SERPINB12: variants seen among roughly 807,000 people sequenced by gnomAD.
SERPINB12 encodes serpin B12.
In SERPINB12, 57 loss-of-function variants were observed where a neutral mutation model predicts 41.1. The ratio of observed to expected loss-of-function variants is 1.39; its 90% CI spans 1.12 to 1.73. The LOEUF (loss-of-function observed/expected upper bound fraction) is 1.73, where lower values mean the gene tolerates loss of function less well. Among genes scored for constraint, SERPINB12 ranks in the 40% most tolerant of loss-of-function variants. The probability of loss-of-function intolerance (pLI) is 0.00; values close to 1 mark genes in which losing one functional copy is unlikely to be tolerated. For synonymous variants in SERPINB12, 180 were observed against 181.3 expected (o/e 0.99, Z 0.06); for missense variants, 536 against 501.9 (o/e 1.07, Z -0.65).
the SERPINB12 span, among the ~76,000 whole-genome samples, chr18:63,532,586 A>G: frequency 2.4e-4 from 37 of 152,180 alleles, no homozygotes; most frequent in African/African-American, 8.7e-4. Flanking sequence ...AGTTTTGGAC[A>G]GATTTTACCT....
the SERPINB12 span, among the ~76,000 whole-genome samples, chr18:63,523,484 G>A: frequency 6.6e-6 from 1 of 152,202 alleles, no homozygotes; most frequent in Admixed American, 6.5e-5. Flanking sequence ...AAAGGTGCTT[G>A]AATTCAGTCA....
At chr18:63,527,849 T>A in the SERPINB12 span, among the ~76,000 whole-genome samples, 2 of 152,208 alleles carry the variant, frequency 1.3e-5, no homozygotes, top group Non-Finnish European at 2.9e-5. Context: ...CCCACTCAAA[T>A]CTCATCTTGA....
intron 2 of SERPINB12, 63 bp from the exon 3 acceptor site, chr18:63,558,289 T>A: frequency 6.6e-7 from 1 of 1,505,550 alleles, no homozygotes; most frequent in African/African-American, 1.4e-5. Flanking sequence ...GAAATGTTTC[T>A]GAAGTTATTC....
intron 1 of SERPINB12, among the ~76,000 whole-genome samples, chr18:63,547,757 A>G (rs1910422143): frequency 6.6e-6 from 1 of 152,062 alleles, no homozygotes; most frequent in Non-Finnish European, 1.5e-5. Flanking sequence ...CAGTAAGTGA[A>G]CTTTTTCTTA....
intron 6 of SERPINB12, among the ~76,000 whole-genome samples, chr18:63,564,746 C>T (rs1911035200): frequency 6.6e-6 from 1 of 152,150 alleles, no homozygotes; most frequent in South Asian, 2.1e-4. Flanking sequence ...GTCATCCAGG[C>T]CAGCTGGCAT....
the SERPINB12 span, among the ~76,000 whole-genome samples, chr18:63,525,985 T>C: frequency 6.6e-6 from 1 of 152,162 alleles, no homozygotes; most frequent in Non-Finnish European, 1.5e-5. Context: ...CTTTAAAACA[T>C]CTAGGGGAGA....
chr18:63,557,418 C>T (rs974963746), intron 2 of SERPINB12, among the ~76,000 whole-genome samples: 3 of 151,992 alleles, frequency 2.0e-5, no homozygotes, highest in South Asian at 2.1e-4. Flanking sequence ...AGAACAAATC[C>T]CCAAATAAAC....
chr18:63,528,392 C>CAATAAGTAAATA, the SERPINB12 span, among the ~76,000 whole-genome samples: 2 of 144,882 alleles, frequency 1.4e-5, no homozygotes, highest in Non-Finnish European at 3.0e-5. Flanking sequence ...TCTCTGAGAG[C>CAATAAGTAAATA]AATAAATAAA....
intron 6 of SERPINB12, among the ~76,000 whole-genome samples, chr18:63,565,201 A>G (rs889338401): frequency 1.2e-4 from 19 of 152,114 alleles, no homozygotes; most frequent in African/African-American, 4.6e-4. Context: ...ACAAAAAAGC[A>G]AACACCTGGC....
chr18:63,553,238 G>C (rs544754941), intron 1 of SERPINB12, among the ~76,000 whole-genome samples: 2 of 152,314 alleles, frequency 1.3e-5, no homozygotes, highest in East Asian at 3.9e-4. Context: ...GCCAGAATTA[G>C]AATGGAATGG....
In SERPINB12 at chr18:63,555,057, G is replaced by A. The variant is rs535796794; in HGVS notation, c.-18-1085G>A. ...TTTCCTGAGGCTTCCCCAGCCATGC[G>A]GAACTGTGAGTCAATTAAAACTCTT... On this transcript the variant is annotated intron_variant, in intron 1 of 7. Coordinates refer to ENST00000382768, the MANE Select transcript of SERPINB12 (RefSeq NM_001307928.2). 6.6e-5 allele frequency among the ~76,000 whole-genome samples: 10 copies of A among 152,208 alleles called. No homozygotes were observed. In the East Asian group the frequency reaches 7.7e-4, roughly 12 times the overall value.
chr18:63,546,711 A>G (rs962804008), intron 1 of SERPINB12, among the ~76,000 whole-genome samples: 1 of 152,254 alleles, frequency 6.6e-6, no homozygotes, highest in Non-Finnish European at 1.5e-5. Flanking sequence ...AGCAAAGAAA[A>G]TATAAGCATA....
At position 63,566,635 on chromosome 18, in the gene SERPINB12, TG is replaced by T; in HGVS notation, c.904del (p.Val302TrpfsTer151). On this transcript the variant is annotated frameshift_variant, in exon 8 of 8. Coordinates refer to ENST00000382768, the MANE Select transcript of SERPINB12 (RefSeq NM_001307928.2). LOFTEE classifies it high-confidence loss of function. ...GAAAGGAAAATCACCTATGAAAAAATGGTGGCCTGGAGCAGCTCAGAAAACA... is the reference window on the plus strand; with the variant it reads ...GAAAGGAAAATCACCTATGAAAAAATGTGGCCTGGAGCAGCTCAGAAAACA... ...ELERKITYEK[M>X]VAWSSSENMS... 1 of 1,607,856 alleles carries T rather than the reference TG, an allele frequency of 6.2e-7. No homozygotes were observed. The highest frequency in any genetic ancestry group is 1.7e-5 in the Admixed American group (1 of 58,408).
chr18:63,521,862 G>A, the SERPINB12 span, among the ~76,000 whole-genome samples: 1 of 152,138 alleles, frequency 6.6e-6, no homozygotes, highest in Admixed American at 6.5e-5. Context: ...AGGGCTTCAG[G>A]AACAGACCAG....
At chr18:63,540,802 G>T (rs1381111450), upstream of SERPINB12, among the ~76,000 whole-genome samples, 3 of 152,088 alleles carry the variant, frequency 2.0e-5, no homozygotes, top group East Asian at 5.8e-4. Context: ...TAGGAGAATG[G>T]ATGTCATTAA....
intron 1 of SERPINB12, among the ~76,000 whole-genome samples, chr18:63,549,705 G>C (rs775602649): frequency 1.3e-5 from 2 of 152,176 alleles, no homozygotes; most frequent in Non-Finnish European, 2.9e-5. Flanking sequence ...CTTCCAGAGA[G>C]GGAGTTCACG....
At chr18:63,558,994 C>CTTTT in intron 3 of SERPINB12, among the ~76,000 whole-genome samples, 1 of 61,906 alleles carries the variant, frequency 1.6e-5, no homozygotes, top group Non-Finnish European at 3.3e-5. Flanking sequence ...GTCTTTCTTT[C>CTTTT]TTTCCTTCCT....
Position 63,556,124 on chromosome 18 carries a change from CTT to C in SERPINB12, c.-18-10_-18-9del. The stretch of plus-strand genomic sequence containing the variant: ...TTCCAATCACCATTTTCTCTTTCTC[CTT>C]TTTTTTTGGTTTTAGATCGTTATAA... On this transcript the variant is annotated splice_polypyrimidine_tract_variant and intron_variant, in intron 1 of 7. Coordinates refer to ENST00000382768, the MANE Select transcript of SERPINB12 (RefSeq NM_001307928.2). 6.6e-7 allele frequency: 1 copy of C among 1,507,134 alleles called. No homozygotes were observed. The allele number at this position is 1,507,134 out of a possible 1,614,324, so 93.4% of individuals were successfully genotyped here. A position where few individuals can be genotyped will look rare whatever the true frequency, so the allele number is the denominator to read the frequency against.
At chr18:63,528,392 C>CAATA in the SERPINB12 span, among the ~76,000 whole-genome samples, 52,484 of 144,712 alleles carry the variant, frequency 0.36, 10,035 homozygotes, top group East Asian at 0.52. Context: ...TCTCTGAGAG[C>CAATA]AATAAATAAA....
Sources: gnomAD v4.1 joint callset for allele counts (sites outside exome capture counted in the v4.1 genomes callset) on GRCh38, gnomAD v4.1.1 for gene constraint, MANE v1.5 for transcripts, NCBI Gene and HGNC (gene_info 2026-07-23, HGNC 2026-07-21) for gene names.